SULT1E1: variants seen among roughly 807,000 people sequenced by gnomAD.
SULT1E1 encodes the protein sulfotransferase 1E1.
In SULT1E1, 36 loss-of-function variants were observed where a neutral mutation model predicts 33.6. That is an observed-to-expected ratio of 1.07 (90% CI 0.82 to 1.41). The LOEUF is 1.41. Among genes scored for constraint, SULT1E1 ranks in the 40% most tolerant of loss-of-function variants. The pLI, the probability that SULT1E1 is intolerant of heterozygous loss-of-function variation, is 0.00. For missense variants in SULT1E1, 371 were observed against 345.7 expected, an observed-to-expected ratio of 1.07 and a Z score of -0.58; for synonymous variants, 121 against 111.7, an observed-to-expected ratio of 1.08 and a Z score of -0.53.
intron 6 of SULT1E1, among the ~76,000 whole-genome samples, chr4:69,846,243 T>C (rs1054408181): frequency 2.0e-5 from 3 of 148,402 alleles, no homozygotes; most frequent in African/African-American, 7.3e-5. Flanking sequence ...CACAGTTTTC[T>C]TAGTTTTTTT....
chr4:69,841,841 A>C lies in SULT1E1; in HGVS notation c.*153T>G, dbSNP rs1173325930. The C allele has an allele frequency of 1.7e-5, 2 of 118,212 alleles. No homozygotes were observed. The highest frequency in any genetic ancestry group is 3.4e-5 in the Non-Finnish European group (2 of 59,218). The allele number at this position is 118,212 out of a possible 1,614,324, so 7.3% of individuals were successfully genotyped here. On this transcript the variant is annotated 3_prime_UTR_variant, in exon 8 of 8. Coordinates refer to ENST00000226444, the MANE Select transcript of SULT1E1 (RefSeq NM_005420.3). ...AGGCAACAGAGTGAGACTCTGTCTC[A>C]AAAAAAAAAAAAAAAAGTTAAACAA... is the stretch of plus-strand genomic sequence containing the variant.
chr4:69,849,852 TAA>T (rs1057066245), intron 4 of SULT1E1, among the ~76,000 whole-genome samples: 2 of 151,964 alleles, frequency 1.3e-5, no homozygotes, highest in Admixed American at 1.3e-4. Context: ...CAATATAAAT[TAA>T]GTCAGTTACA....
downstream of SULT1E1, among the ~76,000 whole-genome samples, chr4:69,836,564 A>T (rs2110062452): frequency 6.6e-6 from 1 of 152,304 alleles, no homozygotes; most frequent in Middle Eastern, 3.4e-3. Context: ...GGGCCTTATA[A>T]TATTCAGAAA....
chr4:69,849,225 G>A, intron 5 of SULT1E1: 2 of 336,384 alleles, frequency 5.9e-6, no homozygotes, highest in Non-Finnish European at 1.1e-5. Context: ...TTATTTTTAG[G>A]TGTTGGACCA....
At chr4:69,833,448 C>T in the SULT1E1 span, among the ~76,000 whole-genome samples, 2 of 152,158 alleles carry the variant, frequency 1.3e-5, no homozygotes, top group African/African-American at 4.8e-5. Context: ...AGAATTTCCA[C>T]GCATGACTGA....
downstream of SULT1E1, among the ~76,000 whole-genome samples, chr4:69,838,850 G>C (rs1322027875): frequency 1.3e-5 from 2 of 152,202 alleles, no homozygotes; most frequent in African/African-American, 4.8e-5. Context: ...TACTGCACTT[G>C]CCCTTTATAA....
chr4:69,844,387 A>G, intron 6 of SULT1E1, 46 bp from the exon 7 acceptor site: 1 of 1,413,130 alleles, frequency 7.1e-7, no homozygotes, highest in Non-Finnish European at 9.7e-7. Context: ...AAAACTGAAT[A>G]AATCACTATC....
intron 2 of SULT1E1, among the ~76,000 whole-genome samples, chr4:69,857,063 G>C (rs530046868): frequency 2.0e-5 from 3 of 150,334 alleles, no homozygotes; most frequent in African/African-American, 7.3e-5. Context: ...ATTTCTAAAA[G>C]TCTACAGTTG....
At chr4:69,846,231 T>C (rs534775533) in intron 6 of SULT1E1, among the ~76,000 whole-genome samples, 32 of 147,988 alleles carry the variant, frequency 2.2e-4, no homozygotes, top group Middle Eastern at 3.5e-3. Context: ...AAATAGAACA[T>C]TCACAGTTTT....
At chr4:69,836,971 T>C (rs1047171878), downstream of SULT1E1, among the ~76,000 whole-genome samples, 1 of 152,168 alleles carries the variant, frequency 6.6e-6, no homozygotes, top group Non-Finnish European at 1.5e-5. Flanking sequence ...TAGTCTCAGC[T>C]ACTTGGGAAG....
intron 1 of SULT1E1, among the ~76,000 whole-genome samples, chr4:69,859,100 C>G (rs1211687301): frequency 3.3e-5 from 5 of 152,100 alleles, no homozygotes; most frequent in African/African-American, 1.2e-4. Flanking sequence ...CTCAAAAGAT[C>G]TATTTCAGTT....
At chr4:69,831,600 C>T in the SULT1E1 span, among the ~76,000 whole-genome samples, 1 of 152,194 alleles carries the variant, frequency 6.6e-6, no homozygotes, top group Non-Finnish European at 1.5e-5. Context: ...AAAAAACTTT[C>T]TTAAAATTAT....
rs375271880 is a variant in SULT1E1, at chr4:69,842,101, T to C, written c.778A>G (p.Thr260Ala). Residue 260 changes from threonine (T) to alanine (A), a missense_variant, in exon 8 of 8, where the codon ACA becomes GCA. Physicochemically the swap from Thr to Ala is moderately conservative, Grantham distance 58 (BLOSUM62 0). Coordinates refer to ENST00000226444, the MANE Select transcript of SULT1E1 (RefSeq NM_005420.3). ...KLSPFMRKGI[T>A]GDWKNHFTVA... ...GTAAAGTGATTTTTCCAGTCTCCTG[T>C]AATTCCTGTAACAAAAAAGAAAGCT... The C allele has an allele frequency of 5.7e-6, 9 of 1,565,254 alleles. No homozygotes were observed. In the African/African-American group the frequency reaches 1.1e-4, roughly 19 times the overall value.
At chr4:69,853,538 T>G (rs1721169926) in intron 4 of SULT1E1, among the ~76,000 whole-genome samples, 1 of 152,138 alleles carries the variant, frequency 6.6e-6, no homozygotes, top group Admixed American at 6.6e-5. Context: ...CATTCAAATA[T>G]CAGCTGAGAT....
chr4:69,855,476 T>C (rs778105986), intron 2 of SULT1E1, 50 bp from the exon 3 acceptor site: 6 of 1,566,812 alleles, frequency 3.8e-6, no homozygotes, highest in Admixed American at 3.7e-5. Flanking sequence ...GTAGAGTTGA[T>C]GACATTAGTG....
At position 69,847,776 on chromosome 4, in the gene SULT1E1, C is replaced by G; in HGVS notation, c.513G>C (p.Trp171Cys). ...CCCACCAAGATTTTACATGTTTATA[C>G]CAGGAACCATAAGGAACTAAAATTA... ...FMQGQVPYGSWYKHVKSWWEK... is the reference protein window; with the variant it reads ...FMQGQVPYGSCYKHVKSWWEK... Residue 171 changes from tryptophan (W) to cysteine (C), a missense_variant, in exon 6 of 8, where the codon TGG (tryptophan) becomes TGC (cysteine). Coordinates refer to ENST00000226444, the MANE Select transcript of SULT1E1 (RefSeq NM_005420.3). The G allele has an allele frequency of 6.2e-7, 1 of 1,607,580 alleles. No individual in the cohort carries two copies. The highest frequency in any genetic ancestry group is 1.1e-5 in the South Asian group (1 of 90,716).
downstream of SULT1E1, chr4:69,838,538 C>T (rs995788629): frequency 4.6e-5 from 7 of 152,154 alleles, no homozygotes; most frequent in Admixed American, 1.3e-4. Flanking sequence ...TCTTTTATGA[C>T]GCTGTACTTT....
the SULT1E1 span, among the ~76,000 whole-genome samples, chr4:69,824,337 G>A: frequency 5.9e-5 from 9 of 152,238 alleles, no homozygotes; most frequent in East Asian, 1.7e-3. Context: ...GATCCCTATG[G>A]CCATTCCTTT....
chr4:69,842,766 A>C (rs1720905939), intron 7 of SULT1E1, among the ~76,000 whole-genome samples: 1 of 152,068 alleles, frequency 6.6e-6, no homozygotes, highest in South Asian at 2.1e-4. Context: ...ATAATAGTCC[A>C]GCAGGCTTTT....
Sources: allele counts gnomAD v4.1 joint callset (sites outside exome capture counted in the v4.1 genomes callset), GRCh38; gene constraint gnomAD v4.1.1; transcripts MANE v1.5; gene names NCBI Gene and HGNC (gene_info 2026-07-23, HGNC 2026-07-21).